TMEM108: variants seen among roughly 807,000 people sequenced by gnomAD.
The protein encoded by TMEM108 is transmembrane protein 108, also known as cancer/testis antigen 124.
In TMEM108, 12 loss-of-function variants were observed where a neutral mutation model predicts 35.1. That is an observed-to-expected ratio of 0.34 (90% CI 0.22 to 0.55). The LOEUF (loss-of-function observed/expected upper bound fraction) is 0.55. Ranked by LOEUF, TMEM108 falls within the 20% of genes least tolerant of loss-of-function variation. TMEM108 has a pLI of 0.89. For synonymous variants in TMEM108, 287 were observed against 308.6 expected (o/e 0.93, Z 0.73); for missense variants, 680 against 753.3 (o/e 0.90, Z 1.14).
At chr3:133,069,198 T>C (rs1943647402) in intron 2 of TMEM108, among the ~76,000 whole-genome samples, 2 of 152,196 alleles carry the variant, frequency 1.3e-5, no homozygotes, top group African/African-American at 4.8e-5. Flanking sequence ...AGACTTTACT[T>C]AAGAATGCAA....
At chr3:133,121,798 C>T (rs949126434) in intron 2 of TMEM108, among the ~76,000 whole-genome samples, 2 of 151,936 alleles carry the variant, frequency 1.3e-5, no homozygotes, top group Non-Finnish European at 2.9e-5. Flanking sequence ...TTTTTTCTCT[C>T]GAGTTTGTAA....
chr3:133,127,149 C>A (rs891786084), intron 2 of TMEM108, among the ~76,000 whole-genome samples: 1 of 152,084 alleles, frequency 6.6e-6, no homozygotes, highest in Non-Finnish European at 1.5e-5. Flanking sequence ...TTAAAACTTA[C>A]AGTAGAAAAA....
chr3:133,305,613 G>A (rs2071023581), intron 3 of TMEM108, among the ~76,000 whole-genome samples: 1 of 152,072 alleles, frequency 6.6e-6, no homozygotes, highest in African/African-American at 2.4e-5. Context: ...TAGATTCCTA[G>A]GAGTGAAATT....
intron 2 of TMEM108, among the ~76,000 whole-genome samples, chr3:133,186,806 C>T (rs529774991): frequency 1.3e-5 from 2 of 152,244 alleles, no homozygotes; most frequent in South Asian, 4.1e-4. Context: ...TATCATATTG[C>T]TTCCAGACAT....
chr3:133,201,476 G>A (rs567812099), intron 2 of TMEM108, among the ~76,000 whole-genome samples: 26 of 128,448 alleles, frequency 2.0e-4, no homozygotes, highest in African/African-American at 3.0e-4. Context: ...ACAGGCCCCC[G>A]TGTGTGATGT....
At chr3:133,149,570 C>G (rs920410606) in intron 2 of TMEM108, among the ~76,000 whole-genome samples, 1 of 152,182 alleles carries the variant, frequency 6.6e-6, no homozygotes, top group African/African-American at 2.4e-5. Context: ...GCTTTAGACT[C>G]CACATGTAAG....
chr3:133,300,052 T>C (rs1947198152), intron 3 of TMEM108, among the ~76,000 whole-genome samples: 1 of 152,110 alleles, frequency 6.6e-6, no homozygotes, highest in Non-Finnish European at 1.5e-5. Context: ...AATGGCATAG[T>C]TAGAATCGGT....
At chr3:133,384,774 G>C (rs545136172) in intron 4 of TMEM108, among the ~76,000 whole-genome samples, 6 of 152,180 alleles carry the variant, frequency 3.9e-5, no homozygotes, top group Admixed American at 1.3e-4. Context: ...GGCTCTGTCA[G>C]GGTCCTTTGC....
intron 3 of TMEM108, among the ~76,000 whole-genome samples, chr3:133,252,068 T>C (rs1946479837): frequency 6.6e-6 from 1 of 152,180 alleles, no homozygotes; most frequent in African/African-American, 2.4e-5. Context: ...TCACCATCGA[T>C]GTATCTGTTG....
intron 3 of TMEM108, among the ~76,000 whole-genome samples, chr3:133,299,289 G>T (rs1327089867): frequency 6.6e-6 from 1 of 152,126 alleles, no homozygotes; most frequent in African/African-American, 2.4e-5. Context: ...TAGCTCTTTA[G>T]TGGCAGATAG....
intron 2 of TMEM108, among the ~76,000 whole-genome samples, chr3:133,064,597 C>G (rs1001954484): frequency 6.6e-6 from 1 of 152,126 alleles, no homozygotes; most frequent in Admixed American, 6.6e-5. Flanking sequence ...TTTAATACTT[C>G]ACTTTTAAAG....
At chr3:133,128,937 G>A (rs1051581794) in intron 2 of TMEM108, among the ~76,000 whole-genome samples, 1 of 151,990 alleles carries the variant, frequency 6.6e-6, no homozygotes, top group African/African-American at 2.4e-5. Context: ...GAGGTTGTTG[G>A]CCAAACACCT....
intron 5 of TMEM108, among the ~76,000 whole-genome samples, chr3:133,391,210 C>T (rs997341852): frequency 1.3e-5 from 2 of 151,898 alleles, no homozygotes; most frequent in African/African-American, 4.8e-5. Context: ...ATGTGATCAG[C>T]GAATGGATAA....
At chr3:133,225,553 C>T (rs201637895) in intron 2 of TMEM108, among the ~76,000 whole-genome samples, 1 of 152,232 alleles carries the variant, frequency 6.6e-6, no homozygotes, top group Middle Eastern at 3.4e-3. Flanking sequence ...TATGTTCTTC[C>T]TCACCCTAGC....
At chr3:133,233,502 G>A (rs1283373077) in intron 3 of TMEM108, among the ~76,000 whole-genome samples, 9 of 152,296 alleles carry the variant, frequency 5.9e-5, no homozygotes, top group East Asian at 3.9e-4. Flanking sequence ...ATAAACATAC[G>A]TGTGCATGTG....
chr3:133,363,588 T>C (rs548008900), intron 3 of TMEM108, among the ~76,000 whole-genome samples: 59 of 152,156 alleles, frequency 3.9e-4, no homozygotes, highest in African/African-American at 1.4e-3. Context: ...TGCATTTTTT[T>C]AGAGACAGGG....
At chr3:133,386,623 ACCT>A in intron 4 of TMEM108, 1 of 1,433,052 alleles carries the variant, frequency 7.0e-7, no homozygotes, top group Non-Finnish European at 9.1e-7. Flanking sequence ...GGACTCCATG[ACCT>A]CCTCCAGAGT....
intron 3 of TMEM108, among the ~76,000 whole-genome samples, chr3:133,355,999 T>C (rs1480718032): frequency 6.6e-6 from 1 of 152,032 alleles, no homozygotes; most frequent in Non-Finnish European, 1.5e-5. Context: ...GAAAGAAATA[T>C]AGGGCATCCA....
At chr3:133,178,994 A>T (rs955572855) in intron 2 of TMEM108, among the ~76,000 whole-genome samples, 46 of 152,374 alleles carry the variant, frequency 3.0e-4, no homozygotes, top group Admixed American at 9.8e-4. Context: ...AAGTGGGCGA[A>T]AGATATGAAC....
Sources: allele counts gnomAD v4.1 joint callset (sites outside exome capture counted in the v4.1 genomes callset), GRCh38; gene constraint gnomAD v4.1.1; transcripts MANE v1.5; gene names NCBI Gene and HGNC (gene_info 2026-07-23, HGNC 2026-07-21).